Variants in APOM observed in about 807,000 individuals in gnomAD.
APOM encodes the protein apolipoprotein M, also known as NG20-like protein.
A neutral mutation model predicts 23.5 loss-of-function variants in APOM; 24 were observed. That is an observed-to-expected ratio of 1.02 (90% confidence interval 0.74 to 1.44). APOM has a LOEUF of 1.44. Ranked by LOEUF, APOM falls within the 40% of genes most tolerant of loss-of-function variation. The pLI, the probability that APOM is intolerant of heterozygous loss-of-function variation, is 0.00. For synonymous variants in APOM, 82 were observed against 84.1 expected (o/e 0.97, Z 0.14); for missense variants, 200 against 233.2 (o/e 0.86, Z 0.93).
At chr6:31,657,330 A>G in intron 3 of APOM, 32 bp downstream of exon 3, 6 of 1,612,844 alleles carry the variant, frequency 3.7e-6, no homozygotes, top group Non-Finnish European at 5.1e-6. Context: ...CCCTCCCTTG[A>G]GTTTGGTTCT....
Position 31,656,029 on chromosome 6 carries a change from C to G in APOM, c.63C>G (p.Tyr21Ter). Reference protein sequence around the residue: ...YFYGIILNSIYQCPEHSQLTT... With the variant: ...YFYGIILNSI Reference sequence around the variant, plus strand: ...ATGGTATTATCCTTAACTCCATCTACCAGTGCCCTGAGCACAGTCAACTGA... The same window carrying G: ...ATGGTATTATCCTTAACTCCATCTAGCAGTGCCCTGAGCACAGTCAACTGA... The change falls in exon 1 of 6, where the codon TAC becomes TAG. Residue 21 changes from tyrosine to a stop codon, truncating the protein, a stop_gained. Transcript: ENST00000375916. LOFTEE classifies it high-confidence loss of function. 2 of 1,594,144 alleles carry G rather than the reference C, an allele frequency of 1.3e-6. No homozygotes were observed. The highest frequency in any genetic ancestry group is 1.7e-6 in the Non-Finnish European group (2 of 1,170,048).
intron 1 of APOM, among the ~76,000 whole-genome samples, 190 bp from the exon 2 acceptor site, chr6:31,656,282 C>G (rs1198313499): frequency 6.6e-6 from 1 of 151,770 alleles, no homozygotes; most frequent in African/African-American, 2.4e-5. Context: ...GGTGGTTACC[C>G]AGGTTGACTG....
rs1800229276 is a variant in APOM, at chr6:31,657,417, A to G, written c.381A>G (p.Ser127=). The G allele has an allele frequency of 1.2e-6, 2 of 1,613,032 alleles. No homozygotes were observed. The highest frequency in any genetic ancestry group is 1.7e-6 in the Non-Finnish European group (2 of 1,180,032). Residue 127 remains serine, a synonymous_variant, in exon 4 of 6, where the codon TCA becomes TCG. Transcript: ENST00000375916. The part of the protein sequence containing the change: ...PDMKTELFSS[S]CPGGIMLNET... ...TGAAGACTGAGCTCTTTTCCAGCTC[A>G]TGCCCAGGTGGAATCATGCTGAATG...
At chr6:31,656,685 TCCAC>T in intron 2 of APOM, 59 bp downstream of exon 2, 3 of 1,578,138 alleles carry the variant, frequency 1.9e-6, no homozygotes, top group Non-Finnish European at 2.6e-6. Context: ...AGTGTGAGAA[TCCAC>T]CCACCAAGAG....
upstream of APOM, among the ~76,000 whole-genome samples, chr6:31,655,026 C>T (rs938324744): frequency 6.6e-6 from 1 of 152,176 alleles, no homozygotes; most frequent in Admixed American, 6.5e-5. Context: ...ATTGCAGCCT[C>T]GACATCCCAG....
intron 4 of APOM, 51 bp downstream of exon 4, chr6:31,657,529 G>A: frequency 1.2e-6 from 2 of 1,604,738 alleles, no homozygotes; most frequent in Non-Finnish European, 1.7e-6. Context: ...AGGGAGGGCA[G>A]GAGAACTCCT....
At chr6:31,655,681 A>C (rs1799961607), upstream of APOM, 8 of 350,924 alleles carry the variant, frequency 2.3e-5, no homozygotes, top group South Asian at 3.5e-4. Context: ...ATACAGGTTC[A>C]AAGACCACAG....
At chr6:31,657,107 C>T (rs1373760145) in intron 2 of APOM, 118 bp from the exon 3 acceptor site, 2 of 955,570 alleles carry the variant, frequency 2.1e-6, no homozygotes, top group African/African-American at 1.7e-5. Flanking sequence ...GATGGCGCCA[C>T]TGCACTCCAG....
At position 31,657,498 on chromosome 6, in the gene APOM, A is replaced by T; in HGVS notation, c.442+20A>T. On this transcript the variant is annotated intron_variant, in intron 4 of 5. Coordinates refer to ENST00000375916, the MANE Select transcript of APOM (RefSeq NM_019101.3). ...TCTACAGTGAGTAGGGATACAAGGC[A>T]GGAAGGGTTGGAGGGAAACAAGGGA... 1 of 1,611,904 alleles carries T rather than the reference A, an allele frequency of 6.2e-7. No individual in the cohort carries two copies.
upstream of APOM, among the ~76,000 whole-genome samples, chr6:31,653,332 T>A (rs898881398): frequency 6.6e-5 from 10 of 152,172 alleles, no homozygotes; most frequent in African/African-American, 2.4e-4. Context: ...CTCCGTGCCC[T>A]CTTCTCTTAA....
chr6:31,656,030 C>T lies in APOM; in HGVS notation c.64C>T (p.Gln22Ter). The T allele has an allele frequency of 1.3e-6, 2 of 1,593,268 alleles. No homozygotes were observed. The highest frequency in any genetic ancestry group is 1.7e-6 in the Non-Finnish European group (2 of 1,169,656). Residue 22 changes from glutamine to a stop codon, truncating the protein, a stop_gained, in exon 1 of 6, where the codon CAG becomes TAG. Coordinates refer to ENST00000375916, the MANE Select transcript of APOM (RefSeq NM_019101.3). LOFTEE classifies it high-confidence loss of function. ...FYGIILNSIY[Q>*]CPEHSQLTTL... ...TGGTATTATCCTTAACTCCATCTAC[C>T]AGTGCCCTGAGCACAGTCAACTGAC...
At chr6:31,655,374 C>T (rs1799934833), upstream of APOM, 1 of 152,322 alleles carries the variant, frequency 6.6e-6, no homozygotes, top group South Asian at 2.1e-4. Context: ...ACATATTTTT[C>T]TAATTGTAAA....
Position 31,656,090 on chromosome 6 carries a change from G to A in APOM, c.114+10G>A. On this transcript the variant is annotated intron_variant, in intron 1 of 5. Coordinates refer to ENST00000375916, the MANE Select transcript of APOM (RefSeq NM_019101.3). ...CGTGGATGGGAAGGAGGTATGGACT[G>A]AGATTGGGGGAAGCCTATGGTGGAG... is the stretch of plus-strand genomic sequence containing the variant. The A allele has an allele frequency of 1.3e-6, 2 of 1,551,156 alleles. No homozygotes were observed. The highest frequency in any genetic ancestry group is 1.7e-6 in the Non-Finnish European group (2 of 1,145,150).
At chr6:31,655,729 T>C (rs1799967978), upstream of APOM, 1 of 489,684 alleles carries the variant, frequency 2.0e-6, no homozygotes, top group Non-Finnish European at 3.7e-6. Flanking sequence ...TCATAACTCC[T>C]GAGAAACCCT....
rs1800085234 is a variant in APOM at position 31,656,573 on chromosome 6, T to C, written c.216T>C (p.Asn72=). 5.0e-6 allele frequency: 8 copies of C among 1,614,146 alleles called. No homozygotes were observed. Among genetic ancestry groups the C allele is most frequent in the Non-Finnish European group, 6.8e-6 (8 of 1,180,028 alleles). The change falls in exon 2 of 6, where the codon AAT becomes AAC. Residue 72 remains asparagine, a synonymous_variant. Transcript: ENST00000375916. ...ACCCTGTGGACAACATTGTCTTCAATATGGCTGCTGGCTCTGCCCCGATGC... is the reference window on the plus strand; with the variant it reads ...ACCCTGTGGACAACATTGTCTTCAACATGGCTGCTGGCTCTGCCCCGATGC... The part of the protein sequence containing the change: ...TFDPVDNIVF[N]MAAGSAPMQL...
upstream of APOM, among the ~76,000 whole-genome samples, chr6:31,653,642 G>A (rs1410360415): frequency 6.6e-6 from 1 of 152,090 alleles, no homozygotes; most frequent in Non-Finnish European, 1.5e-5. Flanking sequence ...ACTCCAGATC[G>A]AGCACTTGTA....
upstream of APOM, among the ~76,000 whole-genome samples, chr6:31,654,662 C>T (rs865834574): frequency 6.6e-6 from 1 of 152,130 alleles, no homozygotes. Flanking sequence ...AATAATCTAT[C>T]GAGGAAGATC....
chr6:31,656,721 C>A, intron 2 of APOM, 95 bp downstream of exon 2: 1 of 1,466,820 alleles, frequency 6.8e-7, no homozygotes, highest in Non-Finnish European at 9.2e-7. Context: ...GCTGGTATAT[C>A]TACTATGCTT....
upstream of APOM, among the ~76,000 whole-genome samples, chr6:31,654,192 C>T (rs1047474894): frequency 6.7e-6 from 1 of 149,112 alleles, no homozygotes; most frequent in Admixed American, 6.7e-5. Flanking sequence ...TTGCAGTGAG[C>T]CAAGATCGCG....
Sources: allele counts gnomAD v4.1 joint callset (sites outside exome capture counted in the v4.1 genomes callset), GRCh38; gene constraint gnomAD v4.1.1; transcripts MANE v1.5; gene names NCBI Gene and HGNC (gene_info 2026-07-23, HGNC 2026-07-21).